The following IPO11 variants were observed in gnomAD, a reference collection of about 807,000 sequenced individuals.
IPO11 encodes the protein importin 11.
A neutral mutation model predicts 143.2 loss-of-function variants in IPO11; 66 were observed. That is an observed-to-expected ratio of 0.46 (90% CI 0.38 to 0.57). IPO11 has a LOEUF of 0.57. Among genes scored for constraint, IPO11 ranks in the 20% least tolerant of loss-of-function variants. IPO11 has a pLI of 0.00. For missense variants in IPO11, 1,026 were observed against 1,141.0 expected (o/e 0.90, Z 1.45); for synonymous variants, 385 against 377.8 (o/e 1.02, Z -0.22).
At chr5:62,443,143 T>G (rs111835286) in intron 3 of IPO11, 60 bp downstream of exon 3, 13 of 1,066,540 alleles carry the variant, frequency 1.2e-5, no homozygotes, top group African/African-American at 9.7e-5. Context: ...CAGGAAGGTG[T>G]AAGAATACTT....
intron 29 of IPO11, among the ~76,000 whole-genome samples, chr5:62,613,866 C>T (rs1456212879): frequency 6.6e-6 from 1 of 152,154 alleles, no homozygotes; most frequent in East Asian, 1.9e-4. Context: ...GCATTAACTA[C>T]TAAACTCATG....
intron 19 of IPO11, among the ~76,000 whole-genome samples, chr5:62,514,363 G>A (rs1741921035): frequency 6.6e-6 from 1 of 152,056 alleles, no homozygotes; most frequent in African/African-American, 2.4e-5. Context: ...GCCGAGGCTG[G>A]CGGAACACTC....
intron 20 of IPO11, among the ~76,000 whole-genome samples, chr5:62,517,960 A>G (rs780319507): frequency 3.3e-5 from 5 of 152,104 alleles, no homozygotes; most frequent in Non-Finnish European, 7.4e-5. Context: ...ACCAAAATTG[A>G]GACTGTAGCT....
intron 22 of IPO11, among the ~76,000 whole-genome samples, chr5:62,532,132 A>G (rs959394011): frequency 6.6e-6 from 1 of 152,190 alleles, no homozygotes; most frequent in African/African-American, 2.4e-5. Context: ...GATTTCACAT[A>G]TTGGTCTCAT....
chr5:62,616,456 A>G (rs1014872437), intron 29 of IPO11, among the ~76,000 whole-genome samples: 3 of 152,146 alleles, frequency 2.0e-5, no homozygotes, highest in Non-Finnish European at 4.4e-5. Flanking sequence ...TGAGATGGCC[A>G]GGTATGGTGG....
chr5:62,433,609 C>T (rs543136252), intron 1 of IPO11, among the ~76,000 whole-genome samples: 8 of 152,194 alleles, frequency 5.3e-5, no homozygotes, highest in South Asian at 2.1e-4. Context: ...AATAGGTGCC[C>T]CAAAAATGTA....
chr5:62,439,144 T>G (rs1276218739), intron 2 of IPO11, among the ~76,000 whole-genome samples: 1 of 152,098 alleles, frequency 6.6e-6, no homozygotes, highest in African/African-American at 2.4e-5. Context: ...AGTCTTGTGC[T>G]TTTTCTGGCC....
At chr5:62,482,990 A>G (rs944098428) in intron 9 of IPO11, 111 bp from the exon 10 acceptor site, 1 of 691,824 alleles carries the variant, frequency 1.4e-6, no homozygotes, top group Non-Finnish European at 2.4e-6. Context: ...ACTCCACACT[A>G]AGGTTCAAAC....
chr5:62,421,552 T>C (rs943602381), intron 1 of IPO11, among the ~76,000 whole-genome samples: 1 of 152,230 alleles, frequency 6.6e-6, no homozygotes, highest in Non-Finnish European at 1.5e-5. Flanking sequence ...TTTAAAGTTC[T>C]AGAAATGTCA....
intron 1 of IPO11, among the ~76,000 whole-genome samples, chr5:62,435,106 A>ATG (rs1744138324): frequency 2.6e-5 from 2 of 75,942 alleles, no homozygotes; most frequent in African/African-American, 5.6e-5. Flanking sequence ...ATATGTATAT[A>ATG]TATGTATATA....
intron 27 of IPO11, among the ~76,000 whole-genome samples, chr5:62,590,724 T>C (rs1232704191): frequency 6.6e-6 from 1 of 152,174 alleles, no homozygotes; most frequent in Admixed American, 6.6e-5. Context: ...CTGTAAAGTC[T>C]GCACTTTTAT....
intron 29 of IPO11, among the ~76,000 whole-genome samples, chr5:62,616,719 C>CAAAAAAAAA (rs538760503): frequency 2.4e-5 from 2 of 84,432 alleles, no homozygotes; most frequent in African/African-American, 1.0e-4. Flanking sequence ...GACTCTGACT[C>CAAAAAAAAA]AAAAAAAAAA....
rs115428882 is a variant in IPO11 at position 62,614,502 on chromosome 5, T to C, written c.2764-12652T>C. 4.4e-3 allele frequency among the ~76,000 whole-genome samples: 669 copies of C among 152,294 alleles called. 7 individuals are homozygous for C. The highest frequency in any genetic ancestry group is 0.016 in the African/African-American group (645 of 41,570). ...TGCTAAGTTCTGCAGTACGTAGAAC[T>C]GAAATGCTGAAGAGTTACCTGACCC... On this transcript the variant is annotated intron_variant, in intron 29 of 29. Coordinates refer to ENST00000325324, the MANE Select transcript of IPO11 (RefSeq NM_016338.5).
At chr5:62,552,996 A>G (rs377110747) in intron 26 of IPO11, among the ~76,000 whole-genome samples, 16 of 152,180 alleles carry the variant, frequency 1.1e-4, no homozygotes, top group East Asian at 5.8e-4. Context: ...ATTTGAAACT[A>G]TATATTACTG....
Position 62,424,200 on chromosome 5 carries a change from C to T in IPO11, c.-7+11271C>T, listed in dbSNP as rs111342318. ...TGTCGCTCAGGCTGGAGTGCAGTGGCGCAATCCGAGCTCACTGCAAGCTCC... is the reference window on the plus strand; with the variant it reads ...TGTCGCTCAGGCTGGAGTGCAGTGGTGCAATCCGAGCTCACTGCAAGCTCC... On this transcript the variant is annotated intron_variant, in intron 1 of 29. Coordinates refer to ENST00000325324, the MANE Select transcript of IPO11 (RefSeq NM_016338.5). Among the ~76,000 whole-genome samples the T allele has an allele frequency of 6.2e-3, 945 of 151,214 alleles. 8 individuals carry two copies. The highest frequency in any genetic ancestry group is 0.022 in the African/African-American group (906 of 41,182).
chr5:62,475,396 G>GC (rs774918745), intron 8 of IPO11, among the ~76,000 whole-genome samples: 9 of 152,116 alleles, frequency 5.9e-5, no homozygotes, highest in Non-Finnish European at 1.2e-4. Flanking sequence ...GATGGTGTGT[G>GC]CCTGTAGTCC....
At chr5:62,597,859 A>G (rs1745286271) in intron 28 of IPO11, among the ~76,000 whole-genome samples, 1 of 152,174 alleles carries the variant, frequency 6.6e-6, no homozygotes, top group Non-Finnish European at 1.5e-5. Context: ...TGATACACTA[A>G]TGACTGTAGG....
At position 62,561,217 on chromosome 5, in the gene IPO11, T is replaced by G. The variant is rs188277939; in HGVS notation, c.2542T>G (p.Ser848Ala). ...TACCCAGCCTGAAAGAAGAAAACTT[T>G]CAGCTTTGGCTTTGCTCTCTCTTCT... The part of the protein sequence containing the change: ...NITQPERRKL[S>A]ALALLSLLPS... The change falls in exon 27 of 30, where the codon TCA becomes GCA. Residue 848 changes from serine (S) to alanine (A), a missense_variant. Physicochemically the swap from Ser to Ala is moderately conservative, Grantham distance 99. Transcript: ENST00000325324. 83 of 1,605,360 alleles carry G rather than the reference T, an allele frequency of 5.2e-5. 1 individual carries two copies. The East Asian group carries it at 6.5e-4, about 13-fold the overall frequency.
At chr5:62,576,647 G>A (rs1744322794) in intron 27 of IPO11, among the ~76,000 whole-genome samples, 1 of 150,826 alleles carries the variant, frequency 6.6e-6, no homozygotes, top group African/African-American at 2.5e-5. Flanking sequence ...AAAAAGCATG[G>A]TGGCATGCAC....
Sources: allele counts gnomAD v4.1 joint callset (sites outside exome capture counted in the v4.1 genomes callset), GRCh38; gene constraint gnomAD v4.1.1; transcripts MANE v1.5; gene names NCBI Gene and HGNC (gene_info 2026-07-23, HGNC 2026-07-21).